The following TMCO5A variants were observed in gnomAD, a reference collection of about 807,000 sequenced individuals.
TMCO5A encodes the protein transmembrane and coiled-coil domain-containing protein 5A.
A neutral mutation model predicts 42.3 loss-of-function variants in TMCO5A; 34 were observed. That is an observed-to-expected ratio of 0.80 (90% CI 0.61 to 1.07). The LOEUF (loss-of-function observed/expected upper bound fraction) is 1.07. TMCO5A is among the 50% of genes least tolerant of loss of function. The probability of loss-of-function intolerance (pLI) is 0.00; values close to 1 mark genes in which losing one functional copy is unlikely to be tolerated. For missense variants in TMCO5A, 357 were observed against 327.9 expected, an observed-to-expected ratio of 1.09 and a Z score of -0.69; for synonymous variants, 131 against 115.6, an observed-to-expected ratio of 1.13 and a Z score of -0.86.
chr15:37,996,706 T>C, the TMCO5A span, among the ~76,000 whole-genome samples: 2 of 152,212 alleles, frequency 1.3e-5, no homozygotes, highest in African/African-American at 4.8e-5. Context: ...AGCTCTTTAA[T>C]GGCTCTAAGT....
chr15:37,997,717 G>T, the TMCO5A span, among the ~76,000 whole-genome samples: 16 of 152,126 alleles, frequency 1.1e-4, no homozygotes, highest in African/African-American at 3.4e-4. Context: ...TTTCTTGTGG[G>T]TATATGCCTA....
chr15:37,945,665 A>C (rs577191942), intron 10 of TMCO5A, among the ~76,000 whole-genome samples: 1 of 152,204 alleles, frequency 6.6e-6, no homozygotes, highest in Non-Finnish European at 1.5e-5. Flanking sequence ...GGCTGTATGT[A>C]TGTCTTCTTT....
chr15:37,997,835 A>G, the TMCO5A span, among the ~76,000 whole-genome samples: 1 of 152,128 alleles, frequency 6.6e-6, no homozygotes, highest in Admixed American at 6.5e-5. Flanking sequence ...CCAACAGTGT[A>G]CCATGGTTCT....
chr15:37,955,004 C>G (rs192798847), downstream of TMCO5A, among the ~76,000 whole-genome samples: 9 of 151,684 alleles, frequency 5.9e-5, no homozygotes, highest in East Asian at 1.7e-3. Context: ...ATCACCTTTA[C>G]TAGAAGGAAG....
the TMCO5A span, among the ~76,000 whole-genome samples, chr15:37,987,892 CAA>C: frequency 6.6e-6 from 1 of 151,122 alleles, no homozygotes. Context: ...TATTTCTGCC[CAA>C]AAAAAAGTCA....
At chr15:38,015,247 A>G in the TMCO5A span, among the ~76,000 whole-genome samples, 1 of 152,088 alleles carries the variant, frequency 6.6e-6, no homozygotes, top group East Asian at 1.9e-4. Flanking sequence ...CAATCCAATC[A>G]AGTTGACAGT....
chr15:37,962,903 T>C (rs1402231431), intron 11 of TMCO5A, among the ~76,000 whole-genome samples: 3 of 152,192 alleles, frequency 2.0e-5, no homozygotes, highest in East Asian at 3.8e-4. Context: ...GTTTCATTTC[T>C]TAATGAGATT....
chr15:37,959,536 C>T (rs759517678), intron 11 of TMCO5A, among the ~76,000 whole-genome samples: 8 of 151,926 alleles, frequency 5.3e-5, no homozygotes, highest in Non-Finnish European at 1.2e-4. Context: ...GTTCGACATA[C>T]ACAAATCAAT....
chr15:37,953,521 G>T (rs1200958908), downstream of TMCO5A, among the ~76,000 whole-genome samples: 5 of 152,078 alleles, frequency 3.3e-5, no homozygotes, highest in African/African-American at 1.2e-4. Context: ...GCTTAGGGTG[G>T]CCCCTAAAGC....
chr15:38,006,527 T>C, the TMCO5A span, among the ~76,000 whole-genome samples: 1 of 152,124 alleles, frequency 6.6e-6, no homozygotes, highest in Non-Finnish European at 1.5e-5. Context: ...AATAGACAAA[T>C]ACAGAATCTA....
the TMCO5A span, among the ~76,000 whole-genome samples, chr15:38,039,180 A>G: frequency 2.2e-3 from 339 of 152,362 alleles, 2 homozygotes; most frequent in African/African-American, 7.7e-3. Flanking sequence ...TTCTGAGTGT[A>G]GGGCTGTTAA....
chr15:38,038,018 A>T, the TMCO5A span, among the ~76,000 whole-genome samples: 197 of 152,024 alleles, frequency 1.3e-3, 4 homozygotes, highest in South Asian at 8.7e-3. Context: ...GTCTCAAAAA[A>T]AAAAAATAAA....
downstream of TMCO5A, among the ~76,000 whole-genome samples, chr15:37,968,714 C>T (rs1313534533): frequency 6.6e-6 from 1 of 151,766 alleles, no homozygotes; most frequent in Non-Finnish European, 1.5e-5. Flanking sequence ...TCCCAAGTAG[C>T]TGGGGTTACA....
At chr15:37,971,907 G>T (rs1890680451), downstream of TMCO5A, among the ~76,000 whole-genome samples, 1 of 152,112 alleles carries the variant, frequency 6.6e-6, no homozygotes, top group African/African-American at 2.4e-5. Flanking sequence ...AGTCTCTAGG[G>T]AATTCCAAAC....
chr15:37,981,919 A>G, the TMCO5A span, among the ~76,000 whole-genome samples: 5 of 152,222 alleles, frequency 3.3e-5, no homozygotes, highest in African/African-American at 1.2e-4. Flanking sequence ...AGCAGCCTGC[A>G]TTGGCCTTTG....
In TMCO5A at chr15:37,962,632, T is replaced by C. The variant is rs1425150668; in HGVS notation, c.669-3993T>C. Among the ~76,000 whole-genome samples, 3 of 152,058 alleles carry C rather than the reference T, an allele frequency of 2.0e-5. No homozygotes were observed. The East Asian group carries it at 5.8e-4, about 29-fold the overall frequency. ...TGGTTGGTACCAATTCTTCTTTGAA[T>C]GTCTTGTAGAATTCTTCTGTGAATC... On this transcript the variant is annotated intron_variant, in intron 11 of 11. Coordinates refer to the TMCO5A transcript ENST00000559502.
chr15:37,962,678 TG>T (rs1326808615), intron 11 of TMCO5A, among the ~76,000 whole-genome samples: 6 of 152,254 alleles, frequency 3.9e-5, no homozygotes, highest in Admixed American at 3.9e-4. Flanking sequence ...TGGACTTTTT[TG>T]TGTGTTGGTA....
At chr15:37,936,226 TA>T in intron 2 of TMCO5A, 87 bp from the exon 3 acceptor site, 1 of 1,444,388 alleles carries the variant, frequency 6.9e-7, no homozygotes, top group Non-Finnish European at 9.3e-7. Context: ...GTTAATAAAC[TA>T]GATGTGTTCT....
chr15:37,960,663 C>T (rs28765994), intron 11 of TMCO5A, among the ~76,000 whole-genome samples: 4,245 of 152,176 alleles, frequency 0.028, 169 homozygotes, highest in African/African-American at 0.083. Context: ...TAGAAGTGTT[C>T]CCTCTTCACC....
Sources: gnomAD v4.1 joint callset for allele counts (sites outside exome capture counted in the v4.1 genomes callset) on GRCh38, gnomAD v4.1.1 for gene constraint, MANE v1.5 for transcripts, NCBI Gene and HGNC (gene_info 2026-07-23, HGNC 2026-07-21) for gene names.